GCSAML: variants seen among roughly 807,000 people sequenced by gnomAD.
GCSAML encodes germinal center associated signaling and motility like.
GCSAML carries 9 observed loss-of-function variants against 13.0 expected under a neutral mutation model. The observed-to-expected ratio is 0.69, with a 90% confidence interval of 0.42 to 1.21. The LOEUF (loss-of-function observed/expected upper bound fraction) is 1.21. GCSAML is among the 50% of genes most tolerant of loss of function. The probability of loss-of-function intolerance (pLI) is 0.00; values close to 1 mark genes in which losing one functional copy is unlikely to be tolerated. For missense variants in GCSAML, 143 were observed against 153.4 expected (o/e 0.93, Z 0.36); for synonymous variants, 37 against 52.9 (o/e 0.70, Z 1.31).
upstream of GCSAML, among the ~76,000 whole-genome samples, chr1:247,547,425 GA>G (rs1486772884): frequency 6.6e-6 from 1 of 152,224 alleles, no homozygotes; most frequent in African/African-American, 2.4e-5. Flanking sequence ...TAGAGGTGCT[GA>G]AAAGATGGAA....
chr1:247,533,672 T>C (rs915684993), intron 2 of GCSAML: 1 of 152,238 alleles, frequency 6.6e-6, no homozygotes, highest in African/African-American at 2.4e-5. Context: ...TGTTCAATCA[T>C]ATTTCTACAT....
At chr1:247,510,861 A>T (rs980253193) in intron 1 of GCSAML, among the ~76,000 whole-genome samples, 1 of 152,084 alleles carries the variant, frequency 6.6e-6, no homozygotes, top group South Asian at 2.1e-4. Context: ...GGTCTGAGAG[A>T]CTGTTTGTTA....
intron 1 of GCSAML, among the ~76,000 whole-genome samples, chr1:247,522,394 C>T (rs915495874): frequency 1.3e-5 from 2 of 151,838 alleles, no homozygotes; most frequent in South Asian, 2.1e-4. Flanking sequence ...TCTGCCCGGC[C>T]GCCACCCCGT....
chr1:247,511,616 C>T (rs113793176), intron 1 of GCSAML, among the ~76,000 whole-genome samples: 3,705 of 152,268 alleles, frequency 0.024, 151 homozygotes, highest in African/African-American at 0.083. Flanking sequence ...ATAGTGTCAA[C>T]GGACTTTACA....
intron 1 of GCSAML, among the ~76,000 whole-genome samples, chr1:247,550,977 C>T (rs990310363): frequency 1.3e-5 from 2 of 152,098 alleles, no homozygotes; most frequent in African/African-American, 4.8e-5. Context: ...ATAGACATTA[C>T]GTGGCTCAGA....
At chr1:247,557,988 A>C (rs915263751) in intron 2 of GCSAML, among the ~76,000 whole-genome samples, 6 of 152,212 alleles carry the variant, frequency 3.9e-5, no homozygotes, top group African/African-American at 1.4e-4. Context: ...GTCATTCTCT[A>C]ATATTTTTCT....
chr1:247,551,693 C>G (rs909190948), intron 1 of GCSAML, among the ~76,000 whole-genome samples: 9 of 152,150 alleles, frequency 5.9e-5, no homozygotes, highest in African/African-American at 1.9e-4. Context: ...ATTTATTGAT[C>G]ATCGTTTTAT....
chr1:247,526,503 CT>C lies in GCSAML; in HGVS notation c.-262-436del, dbSNP rs1323586475. ...GACTGGTGCTCCATCCTTCTGGAAA[CT>C]GGGAGCTTTGTGAAATGCATCTTAC... On this transcript the variant is annotated intron_variant, in intron 1 of 5. Transcript: ENST00000366489. This position sits in a 1 kb window ranked among gnomAD's most constrained non-coding sequence, Gnocchi z 4.8. 6.2e-6 allele frequency: 1 copy of C among 161,092 alleles called. No individual in the cohort carries two copies. The highest frequency in any genetic ancestry group is 2.4e-5 in the African/African-American group (1 of 41,522). The allele number at this position is 161,092 out of a possible 1,614,324, so 10.0% of individuals were successfully genotyped here.
At position 247,527,011 on chromosome 1, in the gene GCSAML, T is replaced by C. The variant is rs1034509897; in HGVS notation, c.-191T>C. ...ACTGGATGTGGAGCCAGAAATTGTGTGGAATGCCTGGTGTTTCTTTCAGTT... is the reference window on the plus strand; with the variant it reads ...ACTGGATGTGGAGCCAGAAATTGTGCGGAATGCCTGGTGTTTCTTTCAGTT... On this transcript the variant is annotated 5_prime_UTR_variant, in exon 2 of 6. Transcript: ENST00000366489. This position sits in a 1 kb window ranked among gnomAD's most constrained non-coding sequence, Gnocchi z 4.6. 7 of 456,630 alleles carry C rather than the reference T, an allele frequency of 1.5e-5. No homozygotes were observed. The highest frequency in any genetic ancestry group is 1.4e-4 in the African/African-American group (7 of 50,086). 28.3% of individuals were successfully genotyped at this position (456,630 alleles called of 1,614,324 possible). A position where few individuals can be genotyped will look rare whatever the true frequency, so the allele number is the denominator to read the frequency against.
chr1:247,566,089 G>T (rs12141535), intron 4 of GCSAML, 130 bp downstream of exon 4: 107,052 of 604,472 alleles, frequency 0.18, 10,985 homozygotes, highest in Middle Eastern at 0.24. Context: ...ATTTCTAAAT[G>T]TACTTTTAGA....
Position 247,526,316 on chromosome 1 carries a change from C to T in GCSAML, c.-262-624C>T, listed in dbSNP as rs1881798. On this transcript the variant is annotated intron_variant, in intron 1 of 5. Coordinates refer to the GCSAML transcript ENST00000366489. This position sits in a 1 kb window ranked among gnomAD's most constrained non-coding sequence, Gnocchi z 4.8. ...TTTTACTCTATCTGGCTCATAATAC[C>T]TGACCTAAAGTTCTGACAGAAGCTG... 150,880 of 152,342 alleles carry T rather than the reference C, an allele frequency of 0.99. 74,730 individuals are homozygous for T. The highest frequency in any genetic ancestry group is 1 in the East Asian group (5,180 of 5,180). 9.4% of individuals were successfully genotyped at this position (152,342 alleles called of 1,614,324 possible).
intron 2 of GCSAML, among the ~76,000 whole-genome samples, chr1:247,562,011 A>G (rs1668150078): frequency 6.6e-6 from 1 of 152,192 alleles, no homozygotes; most frequent in Non-Finnish European, 1.5e-5. Context: ...ATGGCTTACA[A>G]TCAAGGGTTT....
At chr1:247,524,408 G>C (rs977610399) in intron 1 of GCSAML, among the ~76,000 whole-genome samples, 24 of 152,150 alleles carry the variant, frequency 1.6e-4, no homozygotes, top group Admixed American at 1.6e-3. Context: ...TTTCAGGGGA[G>C]AGCGCAAGTG....
At chr1:247,572,979 A>T (rs1206262873) in intron 4 of GCSAML, among the ~76,000 whole-genome samples, 1 of 152,160 alleles carries the variant, frequency 6.6e-6, no homozygotes, top group Non-Finnish European at 1.5e-5. Context: ...GTGAGGGGAA[A>T]ACTGCCTACT....
chr1:247,551,610 A>G (rs1667779798), intron 1 of GCSAML, among the ~76,000 whole-genome samples: 1 of 152,190 alleles, frequency 6.6e-6, no homozygotes, highest in African/African-American at 2.4e-5. Context: ...GGCAAAAGGA[A>G]AACTTCCCCT....
At chr1:247,540,062 A>G (rs959816095) in intron 2 of GCSAML, among the ~76,000 whole-genome samples, 1 of 151,826 alleles carries the variant, frequency 6.6e-6, no homozygotes. Context: ...TCCTCTGCCT[A>G]GAATAGTCTC....
chr1:247,530,521 C>CCCA (rs764546736), intron 2 of GCSAML: 9 of 140,050 alleles, frequency 6.4e-5, no homozygotes, highest in Admixed American at 3.5e-4. Flanking sequence ...ATGCCATCCC[C>CCCA]CCCCCACAAA....
intron 2 of GCSAML, among the ~76,000 whole-genome samples, chr1:247,557,505 A>G (rs755329979): frequency 1.3e-5 from 2 of 152,062 alleles, no homozygotes; most frequent in African/African-American, 4.8e-5. Context: ...TTTCATCTCA[A>G]TGTCTTGGTT....
At chr1:247,507,081 G>T, upstream of GCSAML, 1 of 152,278 alleles carries the variant, frequency 6.6e-6, no homozygotes, top group Middle Eastern at 3.4e-3. Flanking sequence ...CCCTCTGTTT[G>T]TAACAATCCC....
Sources: allele counts gnomAD v4.1 joint callset (sites outside exome capture counted in the v4.1 genomes callset), GRCh38; gene constraint gnomAD v4.1.1; non-coding constraint Gnocchi (gnomAD v3.1); transcripts MANE v1.5; gene names NCBI Gene and HGNC (gene_info 2026-07-23, HGNC 2026-07-21).